The following ENTPD7 variants were observed in gnomAD, a reference collection of about 807,000 sequenced individuals.
ENTPD7 encodes NTPDase 7.
ENTPD7 carries 53 observed loss-of-function variants against 77.9 expected under a neutral mutation model. The observed-to-expected ratio is 0.68, with a 90% confidence interval of 0.55 to 0.85. The LOEUF is 0.85. Ranked by LOEUF, ENTPD7 falls within the 40% of genes least tolerant of loss-of-function variation. The pLI, the probability that ENTPD7 is intolerant of heterozygous loss-of-function variation, is 0.00. For missense variants in ENTPD7, 636 were observed against 743.7 expected (o/e 0.86, Z 1.68); for synonymous variants, 248 against 274.9 (o/e 0.90, Z 0.97).
chr10:99,694,900 C>T (rs541970546), intron 8 of ENTPD7, among the ~76,000 whole-genome samples: 1 of 152,088 alleles, frequency 6.6e-6, no homozygotes, highest in South Asian at 2.1e-4. Context: ...GTATTTTTCA[C>T]AAATTAAAAA....
chr10:99,681,430 C>T (rs2035752991), intron 5 of ENTPD7, among the ~76,000 whole-genome samples: 1 of 152,072 alleles, frequency 6.6e-6, no homozygotes, highest in East Asian at 1.9e-4. Flanking sequence ...AGGCATGTGC[C>T]ACCATGCCTG....
chr10:99,687,008 C>T (rs2035820860), intron 6 of ENTPD7, among the ~76,000 whole-genome samples: 1 of 150,712 alleles, frequency 6.6e-6, no homozygotes, highest in South Asian at 2.1e-4. Context: ...ATCTCCACCT[C>T]CTGGGTTCAA....
chr10:99,684,404 C>T (rs983374091), intron 5 of ENTPD7, among the ~76,000 whole-genome samples: 5 of 152,196 alleles, frequency 3.3e-5, no homozygotes, highest in Admixed American at 6.5e-5. Flanking sequence ...CCCATTCTTC[C>T]ATATCATTGC....
At position 99,679,751 on chromosome 10, in the gene ENTPD7, G is replaced by A. The variant is rs2133460148; in HGVS notation, c.424G>A (p.Glu142Lys). 1 of 1,613,760 alleles carries A rather than the reference G, an allele frequency of 6.2e-7. No homozygotes were observed. Reference protein sequence around the residue: ...PGISAMADTPEHASDYLRPLL... With the variant: ...PGISAMADTPKHASDYLRPLL... The stretch of plus-strand genomic sequence containing the variant: ...AATCTCTGCAATGGCAGACACTCCA[G>A]AACATGCCAGTGATTACCTTCGTCC... The change falls in exon 5 of 13, where the codon GAA becomes AAA. Residue 142 changes from glutamate (E) to lysine (K), a missense_variant. By Grantham distance (56) the Glu-to-Lys change is moderately conservative (BLOSUM62 1). Transcript: ENST00000370489.
At position 99,707,618 on chromosome 10, in the gene ENTPD7, CAG is replaced by C. The variant is rs1476119955; in HGVS notation, c.*2939_*2940del. The stretch of plus-strand genomic sequence containing the variant: ...GAATCTTACCAACCACTCTTGTTAA[CAG>C]AGACAATGAACCTGAACTGTTTTAG... On this transcript the variant is annotated 3_prime_UTR_variant, in exon 13 of 13. Coordinates refer to ENST00000370489, the MANE Select transcript of ENTPD7 (RefSeq NM_020354.5). 6.6e-6 allele frequency among the ~76,000 whole-genome samples: 1 copy of C among 152,158 alleles called. No individual in the cohort carries two copies. Among genetic ancestry groups the C allele is most frequent in the Non-Finnish European group, 1.5e-5 (1 of 68,030 alleles).
In ENTPD7 at chr10:99,679,889, T is replaced by TACAGGAAAC; in HGVS notation, c.548+23_548+31dup. 6.2e-7 allele frequency: 1 copy of TACAGGAAAC among 1,602,220 alleles called. No homozygotes were observed. The highest frequency in any genetic ancestry group is 1.1e-5 in the South Asian group (1 of 89,428). On this transcript the variant is annotated intron_variant, in intron 5 of 12. Transcript: ENST00000370489. ...TCTCCCTGAGAGGTGAGATGCAGGG[T>TACAGGAAAC]ACAGGAAACACAGGAAAACGGTGGC... is the stretch of plus-strand genomic sequence containing the variant.
At chr10:99,686,566 G>T (rs892415263) in intron 6 of ENTPD7, among the ~76,000 whole-genome samples, 1 of 152,000 alleles carries the variant, frequency 6.6e-6, no homozygotes, top group Admixed American at 6.5e-5. Flanking sequence ...TTTCTATTTT[G>T]ATCTTCTTAA....
At position 99,679,298 on chromosome 10, in the gene ENTPD7, A is replaced by C. The variant is rs756231191; in HGVS notation, c.229A>C (p.Thr77Pro). 6.2e-7 allele frequency: 1 copy of C among 1,614,156 alleles called. No individual in the cohort carries two copies. Residue 77 changes from threonine to proline, a missense_variant, in exon 4 of 13, where the codon ACT becomes CCT. Physicochemically the swap from Thr to Pro is conservative, Grantham distance 38. Transcript: ENST00000370489. ...AGTAGGGGAGCTTGAAGCTACTGAC[A>C]CTGAAGACCCAAATCTGAATTATGG... Reference protein sequence around the residue: ...ARVGELEATDTEDPNLNYGLV... With the variant: ...ARVGELEATDPEDPNLNYGLV...
intron 4 of ENTPD7, 111 bp downstream of exon 4, chr10:99,679,577 G>A: frequency 7.0e-7 from 1 of 1,427,344 alleles, no homozygotes; most frequent in East Asian, 2.4e-5. Context: ...GGTAATGGGA[G>A]GGATATCTCT....
chr10:99,698,497 G>GTGTTTGTT (rs369470330), intron 9 of ENTPD7, 37 bp from the exon 10 acceptor site: 14 of 1,563,358 alleles, frequency 9.0e-6, no homozygotes, highest in Admixed American at 6.8e-5. Flanking sequence ...CAGGCATGAC[G>GTGTTTGTT]TGTTTGTTTG....
chr10:99,676,162 T>C (rs1223010334), intron 3 of ENTPD7, among the ~76,000 whole-genome samples: 2 of 152,166 alleles, frequency 1.3e-5, no homozygotes, highest in Non-Finnish European at 1.5e-5. Context: ...ACTAAAGATA[T>C]TTGCAAAATT....
In ENTPD7 at chr10:99,708,825, C is replaced by CCAACTACTTTG. The variant is rs2036302206; in HGVS notation, c.*4143_*4153dup. ...AAGTCATAGTGACTGGCCTCCTAGC[C>CCAACTACTTTG]CAACTACTTTGTCAGCTACAATGAA... On this transcript the variant is annotated 3_prime_UTR_variant, in exon 13 of 13. Transcript: ENST00000370489. 1 of 985,308 alleles carries CCAACTACTTTG rather than the reference C, an allele frequency of 1.0e-6. No individual in the cohort carries two copies. Among genetic ancestry groups the CCAACTACTTTG allele is most frequent in the Non-Finnish European group, 1.2e-6 (1 of 829,896 alleles). The allele number at this position is 985,308 out of a possible 1,614,324, so 61.0% of individuals were successfully genotyped here.
chr10:99,682,087 A>G (rs565346689), intron 5 of ENTPD7, among the ~76,000 whole-genome samples: 1 of 152,092 alleles, frequency 6.6e-6, no homozygotes, highest in African/African-American at 2.4e-5. Flanking sequence ...TGTCATATCA[A>G]TGAGACCATT....
At chr10:99,669,635 T>C (rs1473333373) in intron 3 of ENTPD7, among the ~76,000 whole-genome samples, 1 of 151,916 alleles carries the variant, frequency 6.6e-6, no homozygotes, top group African/African-American at 2.4e-5. Context: ...ATTTTAGTTT[T>C]ACAGCTCATT....
At chr10:99,677,349 G>C (rs1263780637) in intron 3 of ENTPD7, among the ~76,000 whole-genome samples, 2 of 151,020 alleles carry the variant, frequency 1.3e-5, no homozygotes, top group Admixed American at 1.3e-4. Context: ...TGGATGAGCA[G>C]GGCAGATAGC....
At chr10:99,687,046 T>TA (rs1236704225) in intron 6 of ENTPD7, among the ~76,000 whole-genome samples, 1 of 150,720 alleles carries the variant, frequency 6.6e-6, no homozygotes, top group African/African-American at 2.4e-5. Context: ...GCCTCCCAAG[T>TA]AGCTTGGATT....
intron 5 of ENTPD7, among the ~76,000 whole-genome samples, chr10:99,681,784 CT>C (rs2035757240): frequency 6.6e-6 from 1 of 152,100 alleles, no homozygotes; most frequent in Non-Finnish European, 1.5e-5. Flanking sequence ...TCCCTGATGA[CT>C]AGGGATGTTG....
chr10:99,707,802 G>C lies in ENTPD7; in HGVS notation c.*3119G>C, dbSNP rs1044435285. ...AATATGTAAAATACCCATTTATGTG[G>C]CATTTCATTCACTTAAGTTGCAGTT... On this transcript the variant is annotated 3_prime_UTR_variant, in exon 13 of 13. Transcript: ENST00000370489. 2.4e-4 allele frequency among the ~76,000 whole-genome samples: 36 copies of C among 152,172 alleles called. No individual in the cohort carries two copies. Among genetic ancestry groups the C allele is most frequent in the African/African-American group, 8.4e-4 (35 of 41,422 alleles).
Position 99,691,274 on chromosome 10 carries a change from G to A in ENTPD7, c.710-111G>A. On this transcript the variant is annotated intron_variant, in intron 7 of 12. Coordinates refer to ENST00000370489, the MANE Select transcript of ENTPD7 (RefSeq NM_020354.5). ...CCCAGTGTTTTGGGATTACAGGTGTGAGCCATGGCACCTGCCTGCTTTCAA... is the reference window on the plus strand; with the variant it reads ...CCCAGTGTTTTGGGATTACAGGTGTAAGCCATGGCACCTGCCTGCTTTCAA... 3.4e-6 allele frequency: 4 copies of A among 1,184,606 alleles called. No individual in the cohort carries two copies. In the Admixed American group the frequency reaches 1.0e-4, roughly 30 times the overall value. 73.4% of individuals were successfully genotyped at this position (1,184,606 alleles called of 1,614,324 possible).
Sources: gnomAD v4.1 joint callset for allele counts (sites outside exome capture counted in the v4.1 genomes callset) on GRCh38, gnomAD v4.1.1 for gene constraint, MANE v1.5 for transcripts, NCBI Gene and HGNC (gene_info 2026-07-23, HGNC 2026-07-21) for gene names.